TMEM181: variants seen among roughly 807,000 people sequenced by gnomAD.
TMEM181 encodes the protein transmembrane protein 181, also known as G protein-coupled receptor 178.
A neutral mutation model predicts 71.9 loss-of-function variants in TMEM181; 39 were observed. That is an observed-to-expected ratio of 0.54 (90% CI 0.42 to 0.71). TMEM181 has a LOEUF of 0.71. Among genes scored for constraint, TMEM181 ranks in the 30% least tolerant of loss-of-function variants. The pLI is 0.00. For missense variants in TMEM181, 595 were observed against 583.0 expected (o/e 1.02, Z -0.21); for synonymous variants, 245 against 228.8 (o/e 1.07, Z -0.64).
chr6:158,617,473 C>G (rs1387660353), intron 10 of TMEM181, among the ~76,000 whole-genome samples: 1 of 151,126 alleles, frequency 6.6e-6, no homozygotes, highest in African/African-American at 2.4e-5. Flanking sequence ...GTGTCTCTAT[C>G]TCCTTCAGTT....
chr6:158,609,932 G>A lies in TMEM181; in HGVS notation c.896+1182G>A. ...CAGCACTTCCCGGGCTTCTCAGGTG[G>A]AGGAGTACGTCAGGACTGCCATGAG... On this transcript the variant is annotated intron_variant, in intron 10 of 16. Transcript: ENST00000684151. 1.3e-5 allele frequency: 3 copies of A among 230,996 alleles called. No individual in the cohort carries two copies. The Middle Eastern group carries it at 1.6e-3, about 120-fold the overall frequency. 14.3% of individuals were successfully genotyped at this position (230,996 alleles called of 1,614,324 possible).
intron 15 of TMEM181, among the ~76,000 whole-genome samples, chr6:158,630,346 A>G (rs142339568): frequency 3.4e-3 from 511 of 152,218 alleles, no homozygotes; most frequent in African/African-American, 0.012. Flanking sequence ...AAATTTAAAA[A>G]TTAGACAGGT....
chr6:158,626,539 C>T, intron 13 of TMEM181: 1 of 456,438 alleles, frequency 2.2e-6, no homozygotes, highest in Non-Finnish European at 4.4e-6. Flanking sequence ...CTCTGGGAGT[C>T]CCCACCTTGT....
intron 1 of TMEM181, among the ~76,000 whole-genome samples, chr6:158,570,029 T>A (rs1199821814): frequency 6.6e-6 from 1 of 152,236 alleles, no homozygotes; most frequent in Admixed American, 6.5e-5. Flanking sequence ...TCTGGTTTTC[T>A]CTGCTTCCAA....
intron 1 of TMEM181, 112 bp from the exon 2 acceptor site, chr6:158,573,308 T>TGGGAGGGGAGGTGGGCAGTGTCGTGTG: frequency 1.4e-6 from 1 of 723,630 alleles, no homozygotes. Context: ...AGTGAGGGAC[T>TGGGAGGGGAGGTGGGCAGTGTCGTGTG]GGGAGGGGAG....
Position 158,584,059 on chromosome 6 carries a change from A to G in TMEM181, c.259+15A>G, listed in dbSNP as rs374052839. ...TCAATCAAAAGGTATGGAGCTTGAC[A>G]TTTTGGAATGATTTTTCATTATACG... On this transcript the variant is annotated intron_variant, in intron 4 of 16. Transcript: ENST00000684151. 2 of 1,579,752 alleles carry G rather than the reference A, an allele frequency of 1.3e-6. No homozygotes were observed. The highest frequency in any genetic ancestry group is 1.7e-6 in the Non-Finnish European group (2 of 1,163,426).
rs899967227 is a variant in TMEM181, at chr6:158,634,323, G to C, written c.*2435G>C. The C allele has an allele frequency of 9.9e-5, 15 of 152,142 alleles. No individual in the cohort carries two copies. Among genetic ancestry groups the C allele is most frequent in the Non-Finnish European group, 2.1e-4 (14 of 68,022 alleles). The allele number at this position is 152,142 out of a possible 1,614,324, so 9.4% of individuals were successfully genotyped here. On this transcript the variant is annotated 3_prime_UTR_variant, in exon 17 of 17. Coordinates refer to ENST00000684151, the MANE Select transcript of TMEM181 (RefSeq NM_001376852.1). Reference sequence around the variant, plus strand: ...GTAGAATATGTACCATAGGTATCAGGTTAAAACACTAAAGTCTGCCAGAAA... The same window carrying C: ...GTAGAATATGTACCATAGGTATCAGCTTAAAACACTAAAGTCTGCCAGAAA...
rs923573535 is a variant in TMEM181, at chr6:158,620,426, T to C, written c.897-3124T>C. On this transcript the variant is annotated intron_variant, in intron 10 of 16. Transcript: ENST00000684151. This position sits in a 1 kb window ranked among gnomAD's most constrained non-coding sequence, Gnocchi z 4.5. ...GGCAGATCTTACCAGTCAGCTGAAT[T>C]AGTGTCTGATGTTGGATGTTCCAGT... is the stretch of plus-strand genomic sequence containing the variant. Among the ~76,000 whole-genome samples the C allele has an allele frequency of 1.3e-5, 2 of 152,060 alleles. No homozygotes were observed. The highest frequency in any genetic ancestry group is 2.9e-5 in the Non-Finnish European group (2 of 68,038).
At chr6:158,629,918 CTG>C in intron 15 of TMEM181, 99 bp downstream of exon 15, 1 of 982,646 alleles carries the variant, frequency 1.0e-6, no homozygotes, top group Non-Finnish European at 1.6e-6. Flanking sequence ...CATGTGGGCG[CTG>C]TGATTCCCAG....
chr6:158,571,588 G>T (rs538969219), intron 1 of TMEM181, among the ~76,000 whole-genome samples: 1 of 152,126 alleles, frequency 6.6e-6, no homozygotes. Context: ...ATGAGCCACC[G>T]CGCCCGGCCA....
chr6:158,565,443 G>T (rs1472409709), intron 1 of TMEM181, among the ~76,000 whole-genome samples: 1 of 152,194 alleles, frequency 6.6e-6, no homozygotes, highest in Non-Finnish European at 1.5e-5. Context: ...CAGGGAGAAG[G>T]TTTTCTGGAT....
intron 10 of TMEM181, chr6:158,621,761 C>T (rs1384892098): frequency 6.6e-6 from 1 of 152,364 alleles, no homozygotes; most frequent in Non-Finnish European, 1.5e-5. Context: ...CTTCCAAGCT[C>T]AGTGTGCTTC....
chr6:158,542,284 A>G (rs1427962721), intron 1 of TMEM181, among the ~76,000 whole-genome samples: 1 of 152,230 alleles, frequency 6.6e-6, no homozygotes, highest in Non-Finnish European at 1.5e-5. Flanking sequence ...TTTTATGTCT[A>G]TAATGGACAT....
At chr6:158,609,479 A>C (rs1234008653) in intron 10 of TMEM181, among the ~76,000 whole-genome samples, 1 of 152,124 alleles carries the variant, frequency 6.6e-6, no homozygotes, top group African/African-American at 2.4e-5. Flanking sequence ...GCAAAACCCC[A>C]ATGCTATTAC....
At chr6:158,628,856 C>T (rs775130404) in intron 14 of TMEM181, among the ~76,000 whole-genome samples, 15 of 152,206 alleles carry the variant, frequency 9.9e-5, no homozygotes, top group Admixed American at 5.2e-4. Context: ...CTCCACACCG[C>T]GGGGCTCCAA....
At chr6:158,594,971 C>T (rs1784313172) in intron 6 of TMEM181, among the ~76,000 whole-genome samples, 2 of 152,202 alleles carry the variant, frequency 1.3e-5, no homozygotes, top group Admixed American at 6.5e-5. Flanking sequence ...AGCCACCATG[C>T]CTGGCCCCTA....
rs770288414 is a variant in TMEM181 at position 158,584,006 on chromosome 6, T to C, written c.221T>C (p.Leu74Pro). Residue 74 changes from leucine to proline, a missense_variant, in exon 4 of 17, where the codon CTA becomes CCA. Coordinates refer to ENST00000684151, the MANE Select transcript of TMEM181 (RefSeq NM_001376852.1). ...SNPLSTYNQQLWLTCVVELDQ... is the reference protein window; with the variant it reads ...SNPLSTYNQQPWLTCVVELDQ... ...CCACTGTCTACATACAATCAGCAAC[T>C]ATGGCTGACATGTGTTGTTGAGTTG... is the stretch of plus-strand genomic sequence containing the variant. The C allele has an allele frequency of 6.2e-7, 1 of 1,612,132 alleles. No individual in the cohort carries two copies. Among genetic ancestry groups the C allele is most frequent in the Non-Finnish European group, 8.5e-7 (1 of 1,178,986 alleles).
At position 158,547,904 on chromosome 6, in the gene TMEM181, A is replaced by G. The variant is rs947902809; in HGVS notation, c.131+11039A>G. On this transcript the variant is annotated intron_variant, in intron 1 of 16. Transcript: ENST00000367090. The stretch of plus-strand genomic sequence containing the variant: ...CTCTGTCTCAAAAAAAAAAAAAAAA[A>G]AAAAAAAAAGAGTCCTGACAAATAA... Among the ~76,000 whole-genome samples the G allele has an allele frequency of 4.8e-4, 73 of 151,478 alleles. 1 individual carries two copies. The highest frequency in any genetic ancestry group is 3.0e-3 in the Admixed American group (46 of 15,248).
chr6:158,628,510 GC>G lies in TMEM181; in HGVS notation c.1192+23del, dbSNP rs1786469608. On this transcript the variant is annotated intron_variant, in intron 14 of 16. Transcript: ENST00000684151. ...AGAATTATATCCTTTTCACTGGAGG[GC>G]CCTGGCTGCAGGACGCCTGCTTAGC... is the stretch of plus-strand genomic sequence containing the variant. The G allele has an allele frequency of 3.1e-6, 5 of 1,610,870 alleles. No homozygotes were observed. The highest frequency in any genetic ancestry group is 3.4e-6 in the Non-Finnish European group (4 of 1,177,440).
Sources: gnomAD v4.1 joint callset for allele counts (sites outside exome capture counted in the v4.1 genomes callset) on GRCh38, gnomAD v4.1.1 for gene constraint, Gnocchi (gnomAD v3.1) non-coding constraint, MANE v1.5 for transcripts, NCBI Gene and HGNC (gene_info 2026-07-23, HGNC 2026-07-21) for gene names.